GPHN: variants seen among roughly 807,000 people sequenced by gnomAD.
GPHN encodes gephyrin.
Under a neutral mutation model 95.5 loss-of-function variants are expected in GPHN, and 17 were observed. The observed-to-expected ratio is 0.18, with a 90% confidence interval of 0.12 to 0.27. GPHN has a LOEUF of 0.27. Ranked by LOEUF, GPHN falls within the 10% of genes least tolerant of loss-of-function variation. The probability of loss-of-function intolerance (pLI) is 1.00; values close to 1 mark genes in which losing one functional copy is unlikely to be tolerated. For synonymous variants in GPHN, 320 were observed against 322.5 expected (o/e 0.99, Z 0.08); for missense variants, 660 against 978.1 (o/e 0.67, Z 4.34).
the GPHN span, chr14:67,727,470 CTTTTTGT>C: frequency 3.4e-6 from 1 of 298,260 alleles, no homozygotes; most frequent in Non-Finnish European, 6.5e-6. Context: ...CAGACAGAGG[CTTTTTGT>C]TTTTTTTGTT....
chr14:67,587,080 G>C, the GPHN span: 2 of 1,602,950 alleles, frequency 1.2e-6, no homozygotes, highest in African/African-American at 2.7e-5. Context: ...TTAGATTGCA[G>C]AAGCTACCTT....
the GPHN span, among the ~76,000 whole-genome samples, chr14:67,239,770 C>A: frequency 6.6e-6 from 1 of 152,158 alleles, no homozygotes; most frequent in Non-Finnish European, 1.5e-5. Flanking sequence ...GGAGGAGTAT[C>A]GCTTGAACCC....
intron 9 of GPHN, among the ~76,000 whole-genome samples, chr14:66,977,804 T>G (rs1393530589): frequency 3.3e-5 from 5 of 152,216 alleles, no homozygotes; most frequent in Non-Finnish European, 5.9e-5. Context: ...GGTTTTTGTT[T>G]GTGTATTTTT....
chr14:67,424,137 G>A, the GPHN span, among the ~76,000 whole-genome samples: 2 of 152,172 alleles, frequency 1.3e-5, no homozygotes, highest in Admixed American at 6.5e-5. Flanking sequence ...CTACTCAGGA[G>A]GCTGAGGCAG....
At chr14:67,150,598 G>A (rs2081222668) in intron 18 of GPHN, among the ~76,000 whole-genome samples, 1 of 151,830 alleles carries the variant, frequency 6.6e-6, no homozygotes, top group Non-Finnish European at 1.5e-5. Flanking sequence ...AGAAGTTTAG[G>A]AAAAACCCAA....
the GPHN span, among the ~76,000 whole-genome samples, chr14:67,464,324 C>T: frequency 6.6e-6 from 1 of 152,014 alleles, no homozygotes; most frequent in Non-Finnish European, 1.5e-5. Flanking sequence ...GGCCTGTGCC[C>T]CCATCCTCAG....
At chr14:66,820,195 T>C (rs2061137579) in intron 3 of GPHN, among the ~76,000 whole-genome samples, 1 of 152,126 alleles carries the variant, frequency 6.6e-6, no homozygotes, top group Non-Finnish European at 1.5e-5. Context: ...CCAATTTCTG[T>C]TTATTATATG....
At chr14:67,301,043 G>T in the GPHN span, among the ~76,000 whole-genome samples, 1 of 152,006 alleles carries the variant, frequency 6.6e-6, no homozygotes, top group South Asian at 2.1e-4. Flanking sequence ...TCACATAAAT[G>T]ATTTAAAAAC....
chr14:66,636,697 A>G lies in GPHN; in HGVS notation c.65-44410A>G, dbSNP rs78374271. ...CACACACATACACAATATTGTATTAAAAAGTCAGATTGGTAAGGACCCTGT... is the reference window on the plus strand; with the variant it reads ...CACACACATACACAATATTGTATTAGAAAGTCAGATTGGTAAGGACCCTGT... On this transcript the variant is annotated intron_variant, in intron 1 of 22. Coordinates refer to ENST00000478722, the MANE Select transcript of GPHN (RefSeq NM_020806.5). Among the ~76,000 whole-genome samples the G allele has an allele frequency of 3.6e-3, 552 of 152,226 alleles. 12 individuals are homozygous for G. Among genetic ancestry groups the G allele is most frequent in the African/African-American group, 0.013 (526 of 41,556 alleles).
chr14:67,169,052 G>A lies in GPHN; in HGVS notation c.2079+16G>A, dbSNP rs748498367. On this transcript the variant is annotated intron_variant, in intron 21 of 22. Coordinates refer to ENST00000478722, the MANE Select transcript of GPHN (RefSeq NM_020806.5). ...CAAAGCAAGGGTAATGCTTTCTAAT[G>A]ACCAGAAACCAAAATGGAAGCCTGG... is the stretch of plus-strand genomic sequence containing the variant. The A allele has an allele frequency of 9.3e-6, 14 of 1,498,828 alleles. No individual in the cohort carries two copies. Among genetic ancestry groups the A allele is most frequent in the Non-Finnish European group, 1.1e-5 (12 of 1,075,754 alleles). The allele number at this position is 1,498,828 out of a possible 1,614,324, so 92.8% of individuals were successfully genotyped here.
At chr14:66,779,346 A>G (rs1053981380) in intron 3 of GPHN, among the ~76,000 whole-genome samples, 1 of 152,190 alleles carries the variant, frequency 6.6e-6, no homozygotes, top group Admixed American at 6.5e-5. Flanking sequence ...TTCAATAATG[A>G]CTTCTAAAAA....
chr14:66,833,596 A>G lies in GPHN; in HGVS notation c.294+9030A>G, dbSNP rs547265848. 3.2e-4 allele frequency among the ~76,000 whole-genome samples: 48 copies of G among 152,088 alleles called. No individual in the cohort carries two copies. In the South Asian group the frequency reaches 8.3e-3, roughly 26 times the overall value. The stretch of plus-strand genomic sequence containing the variant: ...CTTTTTTGAATCAGCATTTATTCGA[A>G]TGCACATGAATACATTCCTCAGTAG... On this transcript the variant is annotated intron_variant, in intron 4 of 22. Coordinates refer to ENST00000478722, the MANE Select transcript of GPHN (RefSeq NM_020806.5).
rs182073666 is a variant in GPHN, at chr14:67,051,899, A to G, written c.1007-6750A>G. 3.3e-3 allele frequency among the ~76,000 whole-genome samples: 510 copies of G among 152,382 alleles called. 1 individual carries two copies. The highest frequency in any genetic ancestry group is 5.8e-3 in the Non-Finnish European group (396 of 68,032). ...GAAGGAAAAATAAAATCCTTTTCAG[A>G]AAAACAAATACTGAGGGAATTTGTC... On this transcript the variant is annotated intron_variant, in intron 10 of 22. Coordinates refer to ENST00000478722, the MANE Select transcript of GPHN (RefSeq NM_020806.5).
chr14:66,755,460 T>G (rs2058523674), intron 2 of GPHN, among the ~76,000 whole-genome samples: 1 of 152,060 alleles, frequency 6.6e-6, no homozygotes, highest in Non-Finnish European at 1.5e-5. Context: ...TCCTCAGAAG[T>G]CATTTAAAGT....
chr14:66,715,005 G>C (rs1444283486), intron 2 of GPHN, among the ~76,000 whole-genome samples: 4 of 152,110 alleles, frequency 2.6e-5, no homozygotes, highest in Non-Finnish European at 5.9e-5. Flanking sequence ...ATGAATTAGG[G>C]TTGGTTCCCG....
intron 1 of GPHN, among the ~76,000 whole-genome samples, chr14:66,558,796 T>C (rs2060111672): frequency 6.6e-6 from 1 of 152,058 alleles, no homozygotes; most frequent in Non-Finnish European, 1.5e-5. Context: ...TGCAGGTTAG[T>C]TACATATGTA....
chr14:67,332,899 G>A, the GPHN span: 1 of 1,613,880 alleles, frequency 6.2e-7, no homozygotes, highest in Non-Finnish European at 8.5e-7. Flanking sequence ...AATTGCTTAG[G>A]TTAATTAACA....
At chr14:67,546,445 C>T in the GPHN span, among the ~76,000 whole-genome samples, 5 of 152,132 alleles carry the variant, frequency 3.3e-5, no homozygotes, top group East Asian at 1.9e-4. Context: ...CTTGTTGCCC[C>T]GGCTGGAGTG....
intron 1 of GPHN, among the ~76,000 whole-genome samples, chr14:66,552,995 T>G (rs1271062014): frequency 1.3e-5 from 2 of 151,706 alleles, no homozygotes; most frequent in Non-Finnish European, 2.9e-5. Flanking sequence ...TTTCTTTTCT[T>G]TTTTCTTTTT....
Sources: gnomAD v4.1 joint callset for allele counts (sites outside exome capture counted in the v4.1 genomes callset) on GRCh38, gnomAD v4.1.1 for gene constraint, MANE v1.5 for transcripts, NCBI Gene and HGNC (gene_info 2026-07-23, HGNC 2026-07-21) for gene names.